The following CDH18 variants were observed in gnomAD, a reference collection of about 807,000 sequenced individuals.
CDH18 encodes the protein cadherin-18.
In CDH18, 31 loss-of-function variants were observed where a neutral mutation model predicts 67.9. The observed-to-expected ratio is 0.46, with a 90% CI of 0.34 to 0.62. The LOEUF is 0.62. Ranked by LOEUF, CDH18 falls within the 20% of genes least tolerant of loss-of-function variation. CDH18 has a pLI of 0.01. For missense variants in CDH18, 890 were observed against 975.5 expected (o/e 0.91, Z 1.17); for synonymous variants, 362 against 347.2 (o/e 1.04, Z -0.48).
At chr5:19,940,070 T>C (rs1794666364) in intron 2 of CDH18, among the ~76,000 whole-genome samples, 1 of 151,828 alleles carries the variant, frequency 6.6e-6, no homozygotes, top group Non-Finnish European at 1.5e-5. Context: ...AACCTGTCAC[T>C]TTTTTCTTAC....
At chr5:19,822,176 G>C (rs1267904797) in intron 3 of CDH18, among the ~76,000 whole-genome samples, 1 of 152,146 alleles carries the variant, frequency 6.6e-6, no homozygotes, top group Non-Finnish European at 1.5e-5. Flanking sequence ...ACACAGAGTG[G>C]CAATTTGGAT....
intron 5 of CDH18, among the ~76,000 whole-genome samples, chr5:19,701,283 C>T (rs902528875): frequency 6.6e-6 from 1 of 152,020 alleles, no homozygotes; most frequent in Non-Finnish European, 1.5e-5. Flanking sequence ...GATAAAATAT[C>T]CTGTTTGTGT....
intron 2 of CDH18, among the ~76,000 whole-genome samples, chr5:20,028,628 A>C (rs1739122508): frequency 6.6e-6 from 1 of 152,166 alleles, no homozygotes; most frequent in Admixed American, 6.6e-5. Context: ...TAGTTCCTAA[A>C]GCCACTTAAA....
In CDH18 at chr5:20,339,755, T is replaced by C. The variant is rs528723732; in HGVS notation, c.-579-84250A>G. ...AGGACTTAAAACAAATTAAGAGGGA[T>C]CTTGGTACTCCGGATAATGCTGATA... On this transcript the variant is annotated intron_variant, in intron 1 of 14. Transcript: ENST00000507958. 5.1e-4 allele frequency among the ~76,000 whole-genome samples: 77 copies of C among 152,296 alleles called. No homozygotes were observed. The South Asian group carries it at 0.013, about 25-fold the overall frequency.
intron 2 of CDH18, among the ~76,000 whole-genome samples, chr5:19,870,249 G>A (rs1270979078): frequency 2.6e-5 from 4 of 152,100 alleles, no homozygotes; most frequent in Non-Finnish European, 5.9e-5. Context: ...TACAGGTCAT[G>A]TAATTCTTGT....
intron 5 of CDH18, among the ~76,000 whole-genome samples, chr5:19,683,884 A>C (rs1163679309): frequency 6.6e-6 from 1 of 152,136 alleles, no homozygotes; most frequent in East Asian, 1.9e-4. Flanking sequence ...ACCACTATGC[A>C]GATTTCTTAG....
intron 5 of CDH18, among the ~76,000 whole-genome samples, chr5:19,634,937 CAAAA>C (rs11343866): frequency 3.2e-5 from 4 of 125,788 alleles, no homozygotes; most frequent in Non-Finnish European, 1.7e-5. Context: ...AACTGCATCT[CAAAA>C]AAAAAAAAAA....
At chr5:20,409,166 G>A (rs901411896) in intron 1 of CDH18, among the ~76,000 whole-genome samples, 5 of 151,714 alleles carry the variant, frequency 3.3e-5, no homozygotes, top group African/African-American at 7.2e-5. Flanking sequence ...ACTATAGAGC[G>A]AATGAACCTA....
At chr5:19,558,924 T>C (rs761359479) in intron 8 of CDH18, among the ~76,000 whole-genome samples, 2 of 151,824 alleles carry the variant, frequency 1.3e-5, no homozygotes, top group African/African-American at 2.4e-5. Context: ...TCTAGGACAG[T>C]TGTATATTTC....
chr5:20,391,776 T>C (rs1744881880), intron 1 of CDH18, among the ~76,000 whole-genome samples: 1 of 152,006 alleles, frequency 6.6e-6, no homozygotes, highest in South Asian at 2.1e-4. Context: ...TTGTTCACAA[T>C]AGAAACAAAC....
intron 2 of CDH18, among the ~76,000 whole-genome samples, chr5:19,844,300 G>C (rs544244905): frequency 6.6e-6 from 1 of 152,080 alleles, no homozygotes; most frequent in Non-Finnish European, 1.5e-5. Flanking sequence ...CTCATAGAAG[G>C]TGACTAGATC....
At chr5:20,089,208 C>G (rs1745223450) in intron 2 of CDH18, among the ~76,000 whole-genome samples, 2 of 152,042 alleles carry the variant, frequency 1.3e-5, no homozygotes, top group South Asian at 4.1e-4. Flanking sequence ...TCAGGTAAAA[C>G]AAACTCAACA....
intron 1 of CDH18, among the ~76,000 whole-genome samples, chr5:20,537,408 G>A (rs1463852380): frequency 6.6e-6 from 1 of 151,608 alleles, no homozygotes; most frequent in East Asian, 1.9e-4. Context: ...ATTTTTTATT[G>A]TGGAAAGTAA....
At chr5:20,127,625 G>A (rs577074345) in intron 2 of CDH18, among the ~76,000 whole-genome samples, 26 of 152,152 alleles carry the variant, frequency 1.7e-4, no homozygotes, top group Admixed American at 7.2e-4. Context: ...ATTTTACTTA[G>A]GCAAGTTATC....
intron 10 of CDH18, among the ~76,000 whole-genome samples, chr5:19,518,959 T>G (rs2126888163): frequency 6.6e-6 from 1 of 152,266 alleles, no homozygotes; most frequent in South Asian, 2.1e-4. Flanking sequence ...TAGTAACAAA[T>G]AGCTGGGTTT....
chr5:20,305,722 G>A (rs373227483), intron 1 of CDH18: 17 of 389,010 alleles, frequency 4.4e-5, no homozygotes, highest in Middle Eastern at 7.8e-4. Context: ...CGGTTCAGCC[G>A]GAGACCGCTG....
rs992713822 is a variant in CDH18, at chr5:19,874,412, T to A, written c.-256-35170A>T. On this transcript the variant is annotated intron_variant, in intron 2 of 12. Transcript: ENST00000382275. ...AATAATATCTTCCACAACAACTTTA[T>A]GAAACTATAACAAAGCATTTTATAT... Among the ~76,000 whole-genome samples, 11 of 152,112 alleles carry A rather than the reference T, an allele frequency of 7.2e-5. No homozygotes were observed. The East Asian group carries it at 1.9e-3, about 27-fold the overall frequency.
intron 1 of CDH18, among the ~76,000 whole-genome samples, chr5:20,281,598 T>C (rs1209893786): frequency 1.3e-5 from 2 of 152,174 alleles, no homozygotes; most frequent in African/African-American, 4.8e-5. Flanking sequence ...CCGTGCTGTT[T>C]TGGTTACTGT....
At chr5:20,523,919 A>C (rs1755896989) in intron 1 of CDH18, among the ~76,000 whole-genome samples, 1 of 152,226 alleles carries the variant, frequency 6.6e-6, no homozygotes, top group Admixed American at 6.5e-5. Context: ...GAGAGACAGG[A>C]GGGAGACAAG....
Sources: gnomAD v4.1 joint callset for allele counts (sites outside exome capture counted in the v4.1 genomes callset) on GRCh38, gnomAD v4.1.1 for gene constraint, MANE v1.5 for transcripts, NCBI Gene and HGNC (gene_info 2026-07-23, HGNC 2026-07-21) for gene names.